Variants in ZNF366 observed in about 807,000 individuals in gnomAD.
ZNF366 encodes zinc finger protein 366.
Under a neutral mutation model 47.2 loss-of-function variants are expected in ZNF366, and 20 were observed. The ratio of observed to expected loss-of-function variants is 0.42; its 90% CI spans 0.30 to 0.62. The LOEUF is 0.62. Among genes scored for constraint, ZNF366 ranks in the 20% least tolerant of loss-of-function variants. The pLI, the probability that ZNF366 is intolerant of heterozygous loss-of-function variation, is 0.16. For synonymous variants in ZNF366, 421 were observed against 395.1 expected, an observed-to-expected ratio of 1.07 and a Z score of -0.78; for missense variants, 987 against 976.3, an observed-to-expected ratio of 1.01 and a Z score of -0.15.
At chr5:72,445,742 A>G (rs1401049197) in intron 4 of ZNF366, among the ~76,000 whole-genome samples, 32 of 152,198 alleles carry the variant, frequency 2.1e-4, no homozygotes, top group Non-Finnish European at 1.5e-5. Flanking sequence ...CTGATGACAG[A>G]GCAAACCTCA....
At chr5:72,495,145 T>G (rs985006754) in intron 1 of ZNF366, among the ~76,000 whole-genome samples, 1 of 152,166 alleles carries the variant, frequency 6.6e-6, no homozygotes, top group Admixed American at 6.5e-5. Context: ...ATTTCATCAC[T>G]GCCAGGGCTC....
chr5:72,443,912 A>G lies in ZNF366; in HGVS notation c.2079T>C (p.Cys693=). ...GACTGAGACACTCATCTCTGCCGGC[A>G]CAGTCTCTCTCCTGGCCGCCCTCTG... ...LGAEGGQERD[C]AGRDECLSLR... The change falls in exon 5 of 5, where the codon TGT becomes TGC. Residue 693 remains cysteine (C), a synonymous_variant. Transcript: ENST00000318442. The G allele has an allele frequency of 6.2e-7, 1 of 1,614,190 alleles. No homozygotes were observed. The highest frequency in any genetic ancestry group is 8.5e-7 in the Non-Finnish European group (1 of 1,180,020).
intron 1 of ZNF366, among the ~76,000 whole-genome samples, chr5:72,485,621 C>A (rs143742170): frequency 2.5e-4 from 38 of 152,312 alleles, no homozygotes; most frequent in African/African-American, 8.9e-4. Flanking sequence ...CCCTTGGGCT[C>A]CTGTCTGCTC....
At chr5:72,457,836 T>A (rs974740573) in intron 2 of ZNF366, among the ~76,000 whole-genome samples, 1 of 152,158 alleles carries the variant, frequency 6.6e-6, no homozygotes, top group East Asian at 1.9e-4. Flanking sequence ...TACATGAGTA[T>A]GCATTTATGT....
chr5:72,502,740 G>T (rs1744233599), intron 1 of ZNF366, among the ~76,000 whole-genome samples: 1 of 152,090 alleles, frequency 6.6e-6, no homozygotes, highest in South Asian at 2.1e-4. Context: ...TTTTTAAAGG[G>T]AATAGAAAAA....
chr5:72,477,106 T>A (rs543149722), intron 1 of ZNF366, among the ~76,000 whole-genome samples: 2 of 152,344 alleles, frequency 1.3e-5, no homozygotes, highest in East Asian at 3.9e-4. Context: ...AAAGGTTGGT[T>A]TTCTTTACAA....
chr5:72,458,130 C>T (rs983112055), intron 2 of ZNF366, among the ~76,000 whole-genome samples: 24 of 150,094 alleles, frequency 1.6e-4, no homozygotes, highest in East Asian at 2.0e-4. Flanking sequence ...CATTCTCCTG[C>T]CTCAGCCTTC....
In ZNF366 at chr5:72,447,369, G is replaced by A; in HGVS notation, c.1573C>T (p.His525Tyr). The change falls in exon 4 of 5, where the codon CAC (histidine) becomes TAC (tyrosine). Residue 525 changes from histidine (H) to tyrosine (Y), a missense_variant. By Grantham distance (83) the His-to-Tyr change is moderately conservative. This residue lies in a region of ZNF366 where 111 missense variants were observed against 180.5 expected (regional missense o/e 0.61). Transcript: ENST00000318442. The part of the protein sequence containing the change: ...NRMHNLMGHM[H>Y]LHSDSKPFKC... ...AAGGGTTTGCTGTCTGAGTGCAGGT[G>A]CATGTGGCCCATCAGGTTGTGCATC... is the stretch of plus-strand genomic sequence containing the variant. 2 of 1,614,218 alleles carry A rather than the reference G, an allele frequency of 1.2e-6. No homozygotes were observed. Among genetic ancestry groups the A allele is most frequent in the Non-Finnish European group, 1.7e-6 (2 of 1,180,032 alleles).
At chr5:72,484,814 A>T (rs1441938948) in intron 1 of ZNF366, among the ~76,000 whole-genome samples, 4 of 152,232 alleles carry the variant, frequency 2.6e-5, no homozygotes, top group African/African-American at 9.6e-5. Context: ...GAGGCACAGG[A>T]TAGTAAGCTG....
intron 1 of ZNF366, among the ~76,000 whole-genome samples, chr5:72,503,615 A>G (rs548032887): frequency 2.6e-5 from 4 of 152,246 alleles, no homozygotes; most frequent in Admixed American, 2.6e-4. Context: ...GAGAAAATTG[A>G]GATCCAAGCA....
rs1742978473 is a variant in ZNF366 at position 72,447,293 on chromosome 5, C to T, written c.1649G>A (p.Arg550His). ...SKFTLKGNLT[R>H]HMKVKHGVME... ...GACTCCATGCTTGACTTTCATGTGG[C>T]GTGTCAGGTTCCCCTTCAGGGTGAA... The change falls in exon 4 of 5, where the codon CGC becomes CAC. Residue 550 changes from arginine to histidine, a missense_variant. By Grantham distance (29) the Arg-to-His change is conservative (BLOSUM62 0). Transcript: ENST00000318442. The T allele has an allele frequency of 1.2e-6, 2 of 1,614,166 alleles. No individual in the cohort carries two copies. Among genetic ancestry groups the T allele is most frequent in the Non-Finnish European group, 1.7e-6 (2 of 1,180,030 alleles).
intron 4 of ZNF366, 46 bp downstream of exon 4, chr5:72,447,197 G>C (rs10043295): frequency 0.87 from 1,386,282 of 1,601,388 alleles, 602,787 homozygotes; most frequent in East Asian, 0.97. Context: ...GCTCCCATTT[G>C]TTGTCCACTG....
At chr5:72,452,925 G>A (rs991347586) in intron 3 of ZNF366, among the ~76,000 whole-genome samples, 2 of 152,102 alleles carry the variant, frequency 1.3e-5, no homozygotes, top group Non-Finnish European at 1.5e-5. Flanking sequence ...GTCTACAGGC[G>A]CAGATCTCTG....
chr5:72,506,734 C>T (rs561893695), intron 1 of ZNF366, among the ~76,000 whole-genome samples: 3 of 152,170 alleles, frequency 2.0e-5, no homozygotes, highest in Non-Finnish European at 4.4e-5. Context: ...CTCTCTTTCC[C>T]TTCTACTTCA....
At chr5:72,490,677 C>G (rs1743990555) in intron 1 of ZNF366, among the ~76,000 whole-genome samples, 1 of 152,140 alleles carries the variant, frequency 6.6e-6, no homozygotes, top group Non-Finnish European at 1.5e-5. Flanking sequence ...TTCGTCATGC[C>G]AGACTGTTGT....
intron 3 of ZNF366, among the ~76,000 whole-genome samples, chr5:72,452,554 C>T (rs1290268343): frequency 6.6e-6 from 1 of 152,228 alleles, no homozygotes; most frequent in African/African-American, 2.4e-5. Flanking sequence ...TTTCTTCCTT[C>T]CTGGAGCGTC....
At chr5:72,464,684 TG>T (rs1158738406) in intron 1 of ZNF366, among the ~76,000 whole-genome samples, 1 of 152,200 alleles carries the variant, frequency 6.6e-6, no homozygotes, top group Non-Finnish European at 1.5e-5. Context: ...AGTTTCTGTG[TG>T]TATGTATAAT....
intron 3 of ZNF366, among the ~76,000 whole-genome samples, chr5:72,454,379 C>CTAGATCCTCCCTCTAGATCCTCAGA (rs1743138593): frequency 6.6e-6 from 1 of 152,190 alleles, no homozygotes; most frequent in African/African-American, 2.4e-5. Context: ...TCCTCAGATA[C>CTAGATCCTCCCTCTAGATCCTCAGA]TACCTGGTCC....
In ZNF366 at chr5:72,444,152, G is replaced by T. The variant is rs754549662; in HGVS notation, c.1839C>A (p.Gly613=). The change falls in exon 5 of 5, where the codon GGC becomes GGA. Residue 613 remains glycine, a synonymous_variant. Coordinates refer to ENST00000318442, the MANE Select transcript of ZNF366 (RefSeq NM_152625.3). The part of the protein sequence containing the change: ...VFQSDGESAQ[G]SHCHEEEEED... ...CCTCTTCCTCCTCGTGGCAGTGGCT[G>T]CCCTGGGCACTCTCCCCGTCTGACT... The T allele has an allele frequency of 1.2e-6, 2 of 1,613,726 alleles. No individual in the cohort carries two copies. Among genetic ancestry groups the T allele is most frequent in the African/African-American group, 1.3e-5 (1 of 75,060 alleles).
Sources: gnomAD v4.1 joint callset for allele counts (sites outside exome capture counted in the v4.1 genomes callset) on GRCh38, gnomAD v4.1.1 for gene constraint, gnomAD v4.1.1 regional missense constraint, MANE v1.5 for transcripts, NCBI Gene and HGNC (gene_info 2026-07-23, HGNC 2026-07-21) for gene names.